Variants in RBFOX1 observed in about 807,000 individuals in gnomAD.
RBFOX1 encodes the protein RNA binding protein fox-1 homolog 1.
A neutral mutation model predicts 57.7 loss-of-function variants in RBFOX1; 8 were observed. The observed-to-expected ratio is 0.14, with a 90% CI of 0.08 to 0.25. The LOEUF (loss-of-function observed/expected upper bound fraction) is 0.25, where lower values mean the gene tolerates loss of function less well. Ranked by LOEUF, RBFOX1 falls within the 10% of genes least tolerant of loss-of-function variation. RBFOX1 has a pLI of 1.00. For synonymous variants in RBFOX1, 326 were observed against 222.4 expected (o/e 1.47, Z -4.15); for missense variants, 611 against 548.5 (o/e 1.11, Z -1.14).
At chr16:5,833,788 C>T (rs372622832) in intron 3 of RBFOX1, among the ~76,000 whole-genome samples, 1 of 152,086 alleles carries the variant, frequency 6.6e-6, no homozygotes, top group African/African-American at 2.4e-5. Context: ...CTTAGTTAGC[C>T]CTTTCTTTAG....
chr16:7,086,734 A>ACACACAGACACACACACACACG (rs2060049534), intron 4 of RBFOX1, among the ~76,000 whole-genome samples: 2 of 152,050 alleles, frequency 1.3e-5, no homozygotes, highest in Non-Finnish European at 2.9e-5. Flanking sequence ...ACACACACAC[A>ACACACAGACACACACACACACG]CACACACTTT....
At chr16:7,646,558 C>A (rs1018586881) in intron 11 of RBFOX1, among the ~76,000 whole-genome samples, 2 of 152,196 alleles carry the variant, frequency 1.3e-5, no homozygotes, top group Non-Finnish European at 2.9e-5. Flanking sequence ...CAAAGAGAGC[C>A]CCCCTCATCC....
chr16:5,494,421 T>C (rs1340512494), intron 2 of RBFOX1, among the ~76,000 whole-genome samples: 2 of 152,164 alleles, frequency 1.3e-5, no homozygotes, highest in Non-Finnish European at 2.9e-5. Flanking sequence ...ATGGCTTTCT[T>C]TTGCACATGC....
At chr16:7,642,375 A>C (rs528060503) in intron 11 of RBFOX1, among the ~76,000 whole-genome samples, 2 of 152,282 alleles carry the variant, frequency 1.3e-5, no homozygotes, top group African/African-American at 4.8e-5. Flanking sequence ...ACTGACACAC[A>C]GATCAGCTAT....
intron 4 of RBFOX1, among the ~76,000 whole-genome samples, chr16:5,936,103 A>G (rs28473672): frequency 0.35 from 53,063 of 151,724 alleles, 9,463 homozygotes; most frequent in Middle Eastern, 0.56. Flanking sequence ...GGCATCATAA[A>G]CCTTCCTAGG....
chr16:6,841,675 C>T (rs1019992281), intron 3 of RBFOX1, among the ~76,000 whole-genome samples: 4 of 152,036 alleles, frequency 2.6e-5, no homozygotes, highest in African/African-American at 7.3e-5. Context: ...TGCTTTAGCC[C>T]TCTGTGGAAA....
chr16:7,291,275 C>T (rs1423312577), intron 4 of RBFOX1, among the ~76,000 whole-genome samples: 1 of 152,084 alleles, frequency 6.6e-6, no homozygotes, highest in Non-Finnish European at 1.5e-5. Flanking sequence ...AGACAGACAT[C>T]CTTAGTTTTG....
chr16:7,246,633 C>CTTTTTTTTTTTTTTTTTTTTTT (rs56654382), intron 4 of RBFOX1, among the ~76,000 whole-genome samples: 2 of 105,500 alleles, frequency 1.9e-5, no homozygotes, highest in African/African-American at 8.6e-5. Context: ...TGGTCACCTC[C>CTTTTTTTTTTTTTTTTTTTTTT]TTTTTTTTTT....
intron 3 of RBFOX1, among the ~76,000 whole-genome samples, chr16:6,655,373 C>CAAAGAAAAAA (rs2098641423): frequency 3.0e-5 from 1 of 33,686 alleles, no homozygotes; most frequent in Admixed American, 3.1e-4. Flanking sequence ...GCCTCCGTTT[C>CAAAGAAAAAA]AAAAAAAAAA....
At chr16:6,102,269 T>C (rs1280434944) in intron 1 of RBFOX1, among the ~76,000 whole-genome samples, 3 of 151,864 alleles carry the variant, frequency 2.0e-5, no homozygotes, top group Admixed American at 1.3e-4. Context: ...CTTTCTTCCC[T>C]CTCACTATCT....
intron 4 of RBFOX1, among the ~76,000 whole-genome samples, chr16:7,243,531 C>T (rs911869930): frequency 2.0e-5 from 3 of 152,132 alleles, no homozygotes; most frequent in African/African-American, 7.2e-5. Flanking sequence ...AAGTTGACCC[C>T]TTACTCTTTA....
intron 2 of RBFOX1, among the ~76,000 whole-genome samples, chr16:6,626,058 G>A (rs553227017): frequency 2.6e-5 from 4 of 151,728 alleles, no homozygotes; most frequent in Non-Finnish European, 4.4e-5. Flanking sequence ...GCCGATTATA[G>A]TGTTGCCTGC....
intron 1 of RBFOX1, among the ~76,000 whole-genome samples, chr16:5,447,349 C>T (rs1158535230): frequency 6.8e-6 from 1 of 147,924 alleles, no homozygotes; most frequent in Non-Finnish European, 1.5e-5. Context: ...TTCCCTGTCT[C>T]TCATCATTCA....
At chr16:5,398,853 G>C (rs983926861) in intron 1 of RBFOX1, among the ~76,000 whole-genome samples, 4 of 152,158 alleles carry the variant, frequency 2.6e-5, no homozygotes, top group Non-Finnish European at 5.9e-5. Context: ...TAAGTTAAAC[G>C]TTTGAGGCGT....
chr16:5,739,585 T>C (rs2052702645), intron 3 of RBFOX1, among the ~76,000 whole-genome samples: 1 of 152,242 alleles, frequency 6.6e-6, no homozygotes, highest in Non-Finnish European at 1.5e-5. Context: ...AAATTTTTCA[T>C]ATAGAAGGAG....
At chr16:5,843,078 T>C (rs34782316) in intron 3 of RBFOX1, among the ~76,000 whole-genome samples, 8,781 of 152,256 alleles carry the variant, frequency 0.058, 350 homozygotes, top group South Asian at 0.096. Context: ...TCACCCGCCT[T>C]GGCCTCCCAA....
At chr16:7,110,535 A>G (rs951940705) in intron 4 of RBFOX1, among the ~76,000 whole-genome samples, 15 of 152,176 alleles carry the variant, frequency 9.9e-5, no homozygotes, top group African/African-American at 3.4e-4. Context: ...TTTTAACAAT[A>G]AAATCTAAGA....
intron 2 of RBFOX1, among the ~76,000 whole-genome samples, chr16:6,651,913 T>C (rs1385210068): frequency 2.0e-5 from 3 of 152,188 alleles, no homozygotes; most frequent in African/African-American, 7.2e-5. Flanking sequence ...TAACACATGC[T>C]ACCACATGGA....
intron 1 of RBFOX1, among the ~76,000 whole-genome samples, chr16:5,392,501 G>C (rs1263519935): frequency 2.0e-5 from 3 of 151,408 alleles, no homozygotes; most frequent in Non-Finnish European, 2.9e-5. Context: ...ATGTGGGATG[G>C]AGTATGTCTA....
Sources: allele counts gnomAD v4.1 joint callset (sites outside exome capture counted in the v4.1 genomes callset), GRCh38; gene constraint gnomAD v4.1.1; transcripts MANE v1.5; gene names NCBI Gene and HGNC (gene_info 2026-07-23, HGNC 2026-07-21).